Variants in RFT1 observed in about 807,000 individuals in gnomAD.
The protein encoded by RFT1 is RFT1 glycolipid translocator homolog.
In RFT1, 43 loss-of-function variants were observed where a neutral mutation model predicts 62.2. That is an observed-to-expected ratio of 0.69 (90% CI 0.54 to 0.89). RFT1 has a LOEUF of 0.89. Ranked by LOEUF, RFT1 falls within the 40% of genes least tolerant of loss-of-function variation. RFT1 has a pLI of 0.00. For missense variants in RFT1, 605 were observed against 649.9 expected (o/e 0.93, Z 0.75); for synonymous variants, 262 against 264.6 (o/e 0.99, Z 0.10).
chr3:53,093,432 T>C (rs1701052735), intron 11 of RFT1, among the ~76,000 whole-genome samples: 1 of 152,146 alleles, frequency 6.6e-6, no homozygotes, highest in African/African-American at 2.4e-5. Context: ...GCCATAGTCC[T>C]CCAAAAGGCT....
Position 53,092,451 on chromosome 3 carries a change from T to TC in RFT1, c.1375_1376insG (p.His459ArgfsTer34). 1 of 1,611,686 alleles carries TC rather than the reference T, an allele frequency of 6.2e-7. No homozygotes were observed. Among genetic ancestry groups the TC allele is most frequent in the South Asian group, 1.1e-5 (1 of 90,246 alleles). ...TAGGTGCAGGCCAGCCAGGGGCCTGTGGGGGCTCCTTCGGTAGTAGCGGTG... is the reference window on the plus strand; with the variant it reads ...TAGGTGCAGGCCAGCCAGGGGCCTGTCGGGGGCTCCTTCGGTAGTAGCGGTG... On this transcript the variant is annotated frameshift_variant, in exon 12 of 13. Coordinates refer to ENST00000296292, the MANE Select transcript of RFT1 (RefSeq NM_052859.4). LOFTEE classifies it high-confidence loss of function.
chr3:53,098,661 G>A (rs377744485), intron 11 of RFT1, among the ~76,000 whole-genome samples: 5 of 152,054 alleles, frequency 3.3e-5, no homozygotes, highest in Non-Finnish European at 7.4e-5. Context: ...AATTAGCCAG[G>A]CATGGTGGCA....
In RFT1 at chr3:53,105,657, T is replaced by C; in HGVS notation, c.957+16A>G. On this transcript the variant is annotated intron_variant, in intron 9 of 12. Transcript: ENST00000296292. ...GGGAGAATTCACTTGAGAGATGACATAAGAACCAACATTACCTGCTTCTGA... is the reference window on the plus strand; with the variant it reads ...GGGAGAATTCACTTGAGAGATGACACAAGAACCAACATTACCTGCTTCTGA... The C allele has an allele frequency of 1.9e-6, 3 of 1,612,896 alleles. No individual in the cohort carries two copies. The highest frequency in any genetic ancestry group is 2.5e-6 in the Non-Finnish European group (3 of 1,179,224).
chr3:53,080,982 G>A, the RFT1 span, among the ~76,000 whole-genome samples: 4 of 152,240 alleles, frequency 2.6e-5, no homozygotes, highest in Admixed American at 2.0e-4. Flanking sequence ...TAGGGCTGTT[G>A]CAAGAAAGGA....
chr3:53,066,892 A>C, the RFT1 span, among the ~76,000 whole-genome samples: 1 of 152,264 alleles, frequency 6.6e-6, no homozygotes, highest in Non-Finnish European at 1.5e-5. Flanking sequence ...CATAGTAGCC[A>C]AAAACTGGAA....
At chr3:53,130,291 C>G (rs751129665) in intron 1 of RFT1, 47 bp downstream of exon 1, 2 of 1,534,886 alleles carry the variant, frequency 1.3e-6, no homozygotes, top group Non-Finnish European at 1.8e-6. Flanking sequence ...TGCCATCCCG[C>G]GAATCCCGGC....
chr3:53,095,725 T>A (rs1701120862), intron 11 of RFT1, among the ~76,000 whole-genome samples: 1 of 146,328 alleles, frequency 6.8e-6, no homozygotes. Flanking sequence ...CAAAAAAAGT[T>A]AAAAAAAAAA....
At position 53,105,929 on chromosome 3, in the gene RFT1, C is replaced by T; in HGVS notation, c.827-126G>A. Reference sequence around the variant, plus strand: ...ATCTTGAGATAATTATAGATTCACACAGAGTTATAAGAAGTAATAGTGGCC... The same window carrying T: ...ATCTTGAGATAATTATAGATTCACATAGAGTTATAAGAAGTAATAGTGGCC... On this transcript the variant is annotated intron_variant, in intron 8 of 12. Coordinates refer to ENST00000296292, the MANE Select transcript of RFT1 (RefSeq NM_052859.4). 3 of 992,482 alleles carry T rather than the reference C, an allele frequency of 3.0e-6. No homozygotes were observed. The South Asian group carries it at 4.6e-5, about 15-fold the overall frequency. 61.5% of individuals were successfully genotyped at this position (992,482 alleles called of 1,614,324 possible).
chr3:53,130,244 G>T, intron 1 of RFT1, 94 bp downstream of exon 1: 1 of 1,278,462 alleles, frequency 7.8e-7, no homozygotes, highest in Non-Finnish European at 1.1e-6. Flanking sequence ...CTCGGGACTG[G>T]GTCGGCCCTG....
At chr3:53,080,771 G>C in the RFT1 span, among the ~76,000 whole-genome samples, 6 of 152,192 alleles carry the variant, frequency 3.9e-5, no homozygotes, top group Non-Finnish European at 5.9e-5. Flanking sequence ...CTGAGGCACA[G>C]GGGGATCAAG....
At chr3:53,107,660 G>A (rs781688995) in intron 7 of RFT1, among the ~76,000 whole-genome samples, 1 of 150,860 alleles carries the variant, frequency 6.6e-6, no homozygotes, top group African/African-American at 2.4e-5. Context: ...ATGAACTCAC[G>A]TCTGAGTTCA....
rs145867385 is a variant in RFT1, at chr3:53,115,249, G to A, written c.697-3341C>T. ...TCCTTGAATTATTAGTGTAAATGTC[G>A]CCGTGAACAAGATACTTAATTTTGC... On this transcript the variant is annotated intron_variant, in intron 6 of 12. Coordinates refer to ENST00000296292, the MANE Select transcript of RFT1 (RefSeq NM_052859.4). Among the ~76,000 whole-genome samples the A allele has an allele frequency of 6.8e-3, 1,041 of 152,172 alleles. 10 individuals carry two copies. Among genetic ancestry groups the A allele is most frequent in the African/African-American group, 0.023 (952 of 41,524 alleles).
At chr3:53,102,813 G>C (rs1701356187) in intron 10 of RFT1, among the ~76,000 whole-genome samples, 1 of 152,196 alleles carries the variant, frequency 6.6e-6, no homozygotes, top group African/African-American at 2.4e-5. Flanking sequence ...TCAAAACTAA[G>C]ATGATGGGCT....
chr3:53,110,769 T>C (rs898497336), intron 7 of RFT1, among the ~76,000 whole-genome samples: 4 of 152,184 alleles, frequency 2.6e-5, no homozygotes, highest in Non-Finnish European at 4.4e-5. Context: ...AAAGAAAATT[T>C]TTGAAAAGAT....
the RFT1 span, among the ~76,000 whole-genome samples, chr3:53,080,414 G>A: frequency 6.6e-6 from 1 of 152,206 alleles, no homozygotes; most frequent in Admixed American, 6.5e-5. Flanking sequence ...AGCTCCTGCA[G>A]GGCCAGCTGG....
chr3:53,068,821 T>C, the RFT1 span, among the ~76,000 whole-genome samples: 54 of 152,342 alleles, frequency 3.5e-4, no homozygotes, highest in East Asian at 5.2e-3. Context: ...TTAGTAGAAA[T>C]CATACTTCAA....
At chr3:53,084,641 G>A (rs1166654459), downstream of RFT1, among the ~76,000 whole-genome samples, 2 of 152,244 alleles carry the variant, frequency 1.3e-5, no homozygotes, top group Non-Finnish European at 1.5e-5. Flanking sequence ...CTGCAGAGCA[G>A]ATTAAAGGTG....
downstream of RFT1, among the ~76,000 whole-genome samples, chr3:53,086,378 C>T (rs1300194034): frequency 2.0e-5 from 3 of 152,064 alleles, no homozygotes; most frequent in Non-Finnish European, 4.4e-5. Flanking sequence ...TGCAGTGGCG[C>T]GATCTTGGCT....
intron 11 of RFT1, among the ~76,000 whole-genome samples, chr3:53,098,036 A>G (rs1701192885): frequency 6.6e-6 from 1 of 152,214 alleles, no homozygotes; most frequent in African/African-American, 2.4e-5. Flanking sequence ...AGAGAGTAGA[A>G]AGCATCAGCG....
Sources: gnomAD v4.1 joint callset for allele counts (sites outside exome capture counted in the v4.1 genomes callset) on GRCh38, gnomAD v4.1.1 for gene constraint, MANE v1.5 for transcripts, NCBI Gene and HGNC (gene_info 2026-07-23, HGNC 2026-07-21) for gene names.